Variants in PTPRD observed in about 807,000 individuals in gnomAD.
PTPRD encodes the protein receptor-type tyrosine-protein phosphatase delta.
Under a neutral mutation model 214.5 loss-of-function variants are expected in PTPRD, and 34 were observed. The ratio of observed to expected loss-of-function variants is 0.16; its 90% confidence interval spans 0.12 to 0.21. The LOEUF (loss-of-function observed/expected upper bound fraction) is 0.21. Among genes scored for constraint, PTPRD ranks in the 10% least tolerant of loss-of-function variants. PTPRD has a pLI of 1.00. For synonymous variants in PTPRD, 1,128 were observed against 845.7 expected (o/e 1.33, Z -5.79); for missense variants, 2,545 against 2,398.7 (o/e 1.06, Z -1.27).
intron 10 of PTPRD, among the ~76,000 whole-genome samples, chr9:9,122,918 A>G (rs2154465353): frequency 6.6e-6 from 1 of 152,334 alleles, no homozygotes; most frequent in African/African-American, 2.4e-5. Context: ...CACTATTAAT[A>G]CAGTTACACC....
At chr9:8,912,820 G>T (rs2098757433) in intron 11 of PTPRD, among the ~76,000 whole-genome samples, 1 of 152,066 alleles carries the variant, frequency 6.6e-6, no homozygotes, top group South Asian at 2.1e-4. Flanking sequence ...TAGAACCCTG[G>T]TAAAGTTGCC....
chr9:9,902,186 T>C (rs1237877615), intron 5 of PTPRD, among the ~76,000 whole-genome samples: 1 of 151,920 alleles, frequency 6.6e-6, no homozygotes, highest in African/African-American at 2.4e-5. Context: ...TCTAAGCTTG[T>C]GTGTACGTGC....
chr9:9,825,487 AAGAC>A (rs1020742474), intron 5 of PTPRD, among the ~76,000 whole-genome samples: 4 of 151,710 alleles, frequency 2.6e-5, no homozygotes, highest in Non-Finnish European at 4.4e-5. Context: ...GACAGAGAGA[AAGAC>A]AGACAGAAAC....
intron 10 of PTPRD, among the ~76,000 whole-genome samples, chr9:9,162,115 C>T (rs555913640): frequency 6.6e-6 from 1 of 152,196 alleles, no homozygotes; most frequent in Non-Finnish European, 1.5e-5. Context: ...CCATATTGGC[C>T]TTTGTCCATT....
intron 5 of PTPRD, among the ~76,000 whole-genome samples, chr9:9,827,580 T>C (rs2053376952): frequency 2.0e-5 from 3 of 152,064 alleles, no homozygotes; most frequent in Admixed American, 1.3e-4. Context: ...GCAATACCAT[T>C]CAGGACACAG....
intron 5 of PTPRD, among the ~76,000 whole-genome samples, chr9:9,790,051 C>T (rs1373484024): frequency 6.6e-6 from 1 of 152,022 alleles, no homozygotes; most frequent in Non-Finnish European, 1.5e-5. Flanking sequence ...CTTAGCAGGC[C>T]AGAACCTCTT....
chr9:9,611,763 A>C (rs1420793216), intron 7 of PTPRD, among the ~76,000 whole-genome samples: 1 of 152,126 alleles, frequency 6.6e-6, no homozygotes, highest in Non-Finnish European at 1.5e-5. Flanking sequence ...TTAACAGTAA[A>C]AATATTAGTG....
intron 2 of PTPRD, among the ~76,000 whole-genome samples, chr9:10,487,880 T>C (rs2099142950): frequency 6.6e-6 from 1 of 151,890 alleles, no homozygotes; most frequent in Non-Finnish European, 1.5e-5. Context: ...CTACCTCTAT[T>C]ATCTTGGGCA....
intron 3 of PTPRD, among the ~76,000 whole-genome samples, chr9:10,240,867 A>T (rs2090887752): frequency 6.6e-6 from 1 of 151,860 alleles, no homozygotes; most frequent in Admixed American, 6.6e-5. Context: ...AAATTAAAAT[A>T]ATTAGACTTT....
intron 3 of PTPRD, among the ~76,000 whole-genome samples, chr9:10,118,167 C>A (rs1370849277): frequency 6.6e-6 from 1 of 151,520 alleles, no homozygotes; most frequent in African/African-American, 2.4e-5. Context: ...TGTAATTGCT[C>A]AATGGCTGAA....
At chr9:10,053,214 C>T (rs2097565210) in intron 3 of PTPRD, among the ~76,000 whole-genome samples, 1 of 152,072 alleles carries the variant, frequency 6.6e-6, no homozygotes, top group African/African-American at 2.4e-5. Context: ...ACAAAGATGA[C>T]CTGACTTTTA....
At chr9:10,038,187 C>T (rs570931184) in intron 3 of PTPRD, among the ~76,000 whole-genome samples, 1 of 152,028 alleles carries the variant, frequency 6.6e-6, no homozygotes, top group South Asian at 2.1e-4. Context: ...CTATTTATTC[C>T]TTCTTAATTA....
chr9:10,330,755 A>G (rs1450068634), intron 3 of PTPRD, among the ~76,000 whole-genome samples: 1 of 151,818 alleles, frequency 6.6e-6, no homozygotes, highest in African/African-American at 2.4e-5. Flanking sequence ...GCTTGCATGC[A>G]TCCCTGGCCT....
At chr9:8,830,872 A>G (rs1465697686) in intron 11 of PTPRD, among the ~76,000 whole-genome samples, 1 of 152,292 alleles carries the variant, frequency 6.6e-6, no homozygotes, top group African/African-American at 2.4e-5. Flanking sequence ...TTTTCTAACA[A>G]TTCTCTTCAA....
chr9:8,341,377 T>TA, intron 40 of PTPRD, 109 bp from the exon 41 acceptor site: 1 of 1,190,810 alleles, frequency 8.4e-7, no homozygotes, highest in Non-Finnish European at 1.2e-6. Flanking sequence ...ATCTTTTGTT[T>TA]ACTTAAAGTA....
At chr9:8,617,063 A>C (rs1373924574) in intron 14 of PTPRD, among the ~76,000 whole-genome samples, 1 of 152,172 alleles carries the variant, frequency 6.6e-6, no homozygotes, top group Non-Finnish European at 1.5e-5. Flanking sequence ...ATACTTATTT[A>C]CAAATCCTTT....
At chr9:8,321,519 A>ATT (rs1563891950) in intron 44 of PTPRD, among the ~76,000 whole-genome samples, 1 of 132,474 alleles carries the variant, frequency 7.5e-6, no homozygotes, top group Non-Finnish European at 1.6e-5. Context: ...ATATATATAT[A>ATT]TATATATAAA....
At chr9:9,901,591 TAA>T (rs1049514580) in intron 5 of PTPRD, among the ~76,000 whole-genome samples, 9 of 152,010 alleles carry the variant, frequency 5.9e-5, no homozygotes, top group Admixed American at 2.0e-4. Context: ...TTAAAATAAA[TAA>T]ATTCTTAATA....
chr9:8,649,423 T>C (rs752726783), intron 12 of PTPRD, among the ~76,000 whole-genome samples: 15 of 152,252 alleles, frequency 9.9e-5, no homozygotes, highest in Non-Finnish European at 4.4e-5. Flanking sequence ...ACTTCTCATC[T>C]ATCAACTGCA....
Sources: gnomAD v4.1 joint callset for allele counts (sites outside exome capture counted in the v4.1 genomes callset) on GRCh38, gnomAD v4.1.1 for gene constraint, MANE v1.5 for transcripts, NCBI Gene and HGNC (gene_info 2026-07-23, HGNC 2026-07-21) for gene names.